The following SLIT3 variants were observed in gnomAD, a reference collection of about 807,000 sequenced individuals.
SLIT3 encodes slit homolog 3 protein.
SLIT3 carries 68 observed loss-of-function variants against 184.0 expected under a neutral mutation model. That is an observed-to-expected ratio of 0.37 (90% CI 0.30 to 0.45). The LOEUF is 0.45. SLIT3 is among the 20% of genes least tolerant of loss of function. The pLI is 1.00. For missense variants in SLIT3, 1,707 were observed against 2,026.0 expected, an observed-to-expected ratio of 0.84 and a Z score of 3.02; for synonymous variants, 831 against 828.6, an observed-to-expected ratio of 1.00 and a Z score of -0.05.
At chr5:169,181,640 C>G (rs1763159331) in intron 4 of SLIT3, among the ~76,000 whole-genome samples, 1 of 151,544 alleles carries the variant, frequency 6.6e-6, no homozygotes, top group South Asian at 2.1e-4. Context: ...ACTCAGGAGG[C>G]TGAGGCAGGA....
chr5:168,903,521 G>T (rs1170958388), intron 4 of SLIT3, among the ~76,000 whole-genome samples: 5 of 152,216 alleles, frequency 3.3e-5, no homozygotes, highest in African/African-American at 1.2e-4. Context: ...GTAAGCCAGG[G>T]CATGACCCCT....
At chr5:169,192,092 G>C (rs939517947) in intron 4 of SLIT3, among the ~76,000 whole-genome samples, 3 of 152,192 alleles carry the variant, frequency 2.0e-5, no homozygotes. Flanking sequence ...TTACAAACCA[G>C]GGTGTTTCTG....
At chr5:168,706,710 T>C (rs1004184797) in intron 26 of SLIT3, 2 of 152,224 alleles carry the variant, frequency 1.3e-5, no homozygotes, top group African/African-American at 4.8e-5. Context: ...GGTGGCTGGC[T>C]TCAAAGGGAA....
At chr5:168,878,546 T>C (rs1759825991) in intron 5 of SLIT3, among the ~76,000 whole-genome samples, 1 of 152,182 alleles carries the variant, frequency 6.6e-6, no homozygotes, top group Non-Finnish European at 1.5e-5. Context: ...GGAACCCGGG[T>C]AGACAGAAGT....
intron 5 of SLIT3, among the ~76,000 whole-genome samples, chr5:168,865,013 CA>C (rs1759247076): frequency 6.6e-6 from 1 of 151,812 alleles, no homozygotes; most frequent in South Asian, 2.1e-4. Context: ...ACTAAAAATA[CA>C]AAAATTAGCC....
intron 6 of SLIT3, among the ~76,000 whole-genome samples, chr5:168,835,132 G>A (rs1216311596): frequency 6.6e-6 from 1 of 152,194 alleles, no homozygotes; most frequent in Admixed American, 6.5e-5. Flanking sequence ...GGACGGTGCT[G>A]CTGGAGAGAT....
chr5:168,820,359 C>T (rs1757486196), intron 7 of SLIT3, among the ~76,000 whole-genome samples: 1 of 152,184 alleles, frequency 6.6e-6, no homozygotes, highest in African/African-American at 2.4e-5. Context: ...GAGTCTGACA[C>T]TGGCTCCGTG....
intron 3 of SLIT3, among the ~76,000 whole-genome samples, chr5:169,242,160 T>C (rs1295355400): frequency 1.3e-5 from 2 of 152,222 alleles, no homozygotes; most frequent in African/African-American, 4.8e-5. Context: ...ACAGAACGAA[T>C]AACCAAAACC....
chr5:168,847,822 C>G (rs561469343), intron 5 of SLIT3, among the ~76,000 whole-genome samples: 1 of 151,984 alleles, frequency 6.6e-6, no homozygotes, highest in Non-Finnish European at 1.5e-5. Flanking sequence ...TTGATGTGAC[C>G]GGGGGGCCAC....
chr5:169,219,589 G>A (rs1329141601), intron 3 of SLIT3, among the ~76,000 whole-genome samples: 1 of 152,154 alleles, frequency 6.6e-6, no homozygotes, highest in Non-Finnish European at 1.5e-5. Context: ...GTGCAGAGGT[G>A]GCAGGGGTGG....
chr5:168,970,097 T>C (rs1300630312), intron 4 of SLIT3, among the ~76,000 whole-genome samples: 2 of 151,078 alleles, frequency 1.3e-5, no homozygotes, highest in Non-Finnish European at 1.5e-5. Context: ...AGGAGAATAG[T>C]GTGAACCCAG....
At chr5:168,710,032 T>G (rs532281458) in intron 25 of SLIT3, 50 of 152,318 alleles carry the variant, frequency 3.3e-4, no homozygotes, top group African/African-American at 1.2e-3. Context: ...CTGAGTCTTA[T>G]CTGAGGACAT....
At chr5:169,134,418 C>T (rs1176452942) in intron 4 of SLIT3, among the ~76,000 whole-genome samples, 3 of 152,158 alleles carry the variant, frequency 2.0e-5, no homozygotes, top group African/African-American at 4.8e-5. Context: ...GCTCCCTTTG[C>T]CCAAAACACT....
chr5:168,741,474 G>T (rs1763636077), intron 20 of SLIT3, among the ~76,000 whole-genome samples: 1 of 44,628 alleles, frequency 2.2e-5, no homozygotes. Flanking sequence ...GCAAGACTCG[G>T]TCTCAAAAAA....
intron 4 of SLIT3, among the ~76,000 whole-genome samples, chr5:169,170,379 C>G (rs1162832300): frequency 6.6e-6 from 1 of 152,176 alleles, no homozygotes; most frequent in Non-Finnish European, 1.5e-5. Context: ...CTGCTAGGGG[C>G]CTGCTCTTCC....
At chr5:169,009,099 A>T (rs78065673) in intron 4 of SLIT3, among the ~76,000 whole-genome samples, 2 of 106,294 alleles carry the variant, frequency 1.9e-5, no homozygotes, top group African/African-American at 7.9e-5. Flanking sequence ...ATTTTTTTTT[A>T]AAAGAGAAAC....
At chr5:168,696,908 G>T (rs540184498) in intron 27 of SLIT3, among the ~76,000 whole-genome samples, 8 of 152,262 alleles carry the variant, frequency 5.3e-5, no homozygotes, top group African/African-American at 1.9e-4. Context: ...GGGTGAGGGG[G>T]TGGGCAGAAT....
intron 4 of SLIT3, among the ~76,000 whole-genome samples, chr5:169,145,648 C>T (rs1199038731): frequency 6.6e-6 from 1 of 152,228 alleles, no homozygotes; most frequent in East Asian, 1.9e-4. Context: ...AAACTGCATA[C>T]TCATACATGC....
intron 4 of SLIT3, among the ~76,000 whole-genome samples, chr5:169,016,320 ATG>A (rs1756374173): frequency 6.6e-6 from 1 of 152,168 alleles, no homozygotes; most frequent in African/African-American, 2.4e-5. Context: ...ACAGAAGCAC[ATG>A]TGCTCACAGA....
Sources: gnomAD v4.1 joint callset for allele counts (sites outside exome capture counted in the v4.1 genomes callset) on GRCh38, gnomAD v4.1.1 for gene constraint, MANE v1.5 for transcripts, NCBI Gene and HGNC (gene_info 2026-07-23, HGNC 2026-07-21) for gene names.